The following AKT3 variants were observed in gnomAD, a reference collection of about 807,000 sequenced individuals.
AKT3 encodes the protein AKT serine/threonine kinase 3.
AKT3 carries 15 observed loss-of-function variants against 65.3 expected under a neutral mutation model. The ratio of observed to expected loss-of-function variants is 0.23; its 90% CI spans 0.15 to 0.35. The LOEUF (loss-of-function observed/expected upper bound fraction) is 0.35. AKT3 is among the 10% of genes least tolerant of loss of function. AKT3 has a pLI of 1.00. For missense variants in AKT3, 243 were observed against 576.5 expected (o/e 0.42, Z 5.92); for synonymous variants, 206 against 183.8 (o/e 1.12, Z -0.98).
downstream of AKT3, among the ~76,000 whole-genome samples, chr1:243,496,662 C>T (rs910832717): frequency 6.6e-6 from 1 of 152,202 alleles, no homozygotes; most frequent in Non-Finnish European, 1.5e-5. Flanking sequence ...GCCACCATCT[C>T]CCCGGGCTGC....
chr1:243,769,694 T>C (rs1253796922), intron 2 of AKT3, among the ~76,000 whole-genome samples: 25 of 152,228 alleles, frequency 1.6e-4, no homozygotes, highest in Admixed American at 1.6e-3. Flanking sequence ...ACTAGGCCCT[T>C]ATCAGATTCA....
chr1:243,693,998 A>G (rs1026178690), intron 3 of AKT3, among the ~76,000 whole-genome samples: 1 of 152,148 alleles, frequency 6.6e-6, no homozygotes, highest in Admixed American at 6.6e-5. Context: ...CCAAGAGTGC[A>G]GCATTTATTT....
intron 6 of AKT3, chr1:243,625,050 C>A: frequency 2.9e-6 from 1 of 350,046 alleles, no homozygotes; most frequent in South Asian, 3.0e-5. Context: ...CAGAAAGCCT[C>A]CTCCACCCTT....
intron 8 of AKT3, among the ~76,000 whole-genome samples, chr1:243,584,887 G>A (rs1675676613): frequency 6.6e-6 from 1 of 152,078 alleles, no homozygotes; most frequent in Admixed American, 6.5e-5. Context: ...TATTAGTGGA[G>A]AGTGCTAGCC....
At chr1:243,800,306 G>T (rs1692301751) in intron 2 of AKT3, among the ~76,000 whole-genome samples, 1 of 152,150 alleles carries the variant, frequency 6.6e-6, no homozygotes, top group Non-Finnish European at 1.5e-5. Flanking sequence ...CTGTTGTGAG[G>T]CCTCAGTTAA....
At chr1:243,498,440 T>C (rs74777638), downstream of AKT3, among the ~76,000 whole-genome samples, 26,634 of 152,088 alleles carry the variant, frequency 0.18, 2,666 homozygotes, top group East Asian at 0.28. Flanking sequence ...GTGCATGGGA[T>C]GGCAGGTTTA....
At chr1:243,797,171 T>TA (rs546341645) in intron 2 of AKT3, among the ~76,000 whole-genome samples, 78 of 147,990 alleles carry the variant, frequency 5.3e-4, no homozygotes, top group Non-Finnish European at 6.3e-4. Context: ...AATACTTTTT[T>TA]AAAAAAAAAA....
chr1:243,703,457 TG>T (rs1375599904), intron 2 of AKT3, among the ~76,000 whole-genome samples: 4 of 152,086 alleles, frequency 2.6e-5, no homozygotes, highest in African/African-American at 9.7e-5. Context: ...CATGTTTTAT[TG>T]ATGTCTTAAA....
chr1:243,571,484 T>A (rs1300152146), intron 9 of AKT3, among the ~76,000 whole-genome samples: 1 of 152,188 alleles, frequency 6.6e-6, no homozygotes, highest in African/African-American at 2.4e-5. Context: ...TTCTGGATGT[T>A]ACCTATTACT....
chr1:243,624,596 G>T, intron 6 of AKT3: 1 of 157,662 alleles, frequency 6.3e-6, no homozygotes, highest in Non-Finnish European at 1.4e-5. Context: ...CAGCAGGATA[G>T]CACTGAGACT....
intron 3 of AKT3, 97 bp downstream of exon 3, chr1:243,695,494 C>G: frequency 8.3e-7 from 1 of 1,202,256 alleles, no homozygotes; most frequent in Non-Finnish European, 1.1e-6. Flanking sequence ...TAAACCCAAA[C>G]TTTTTCACAG....
At chr1:243,729,251 A>G (rs746034444) in intron 2 of AKT3, among the ~76,000 whole-genome samples, 9 of 152,208 alleles carry the variant, frequency 5.9e-5, no homozygotes, top group Non-Finnish European at 8.8e-5. Flanking sequence ...CAATATGTCA[A>G]GAGGGGGCTT....
rs1358770149 is a variant in AKT3, at chr1:243,795,448, T to TG, written c.46+47676dup. Among the ~76,000 whole-genome samples, 4 of 138,106 alleles carry TG rather than the reference T, an allele frequency of 2.9e-5. No homozygotes were observed. In the East Asian group the frequency reaches 8.0e-4, roughly 28 times the overall value. 90.6% of individuals were successfully genotyped at this position (138,106 alleles called of 152,430 possible). A position where few individuals can be genotyped will look rare whatever the true frequency, so the allele number is the denominator to read the frequency against. ...AGGCGTAGGTTTCCCTTGATCTCCT[T>TG]GTTTTTTTTTTTTGTTTTTTTTTTT... On this transcript the variant is annotated intron_variant, in intron 2 of 13. Transcript: ENST00000673466.
At chr1:243,783,505 A>G (rs1011615234) in intron 2 of AKT3, among the ~76,000 whole-genome samples, 3 of 152,188 alleles carry the variant, frequency 2.0e-5, no homozygotes, top group Non-Finnish European at 4.4e-5. Flanking sequence ...GTAAGTAGGG[A>G]AAAATGAGGA....
chr1:243,599,964 T>C (rs754796974), intron 8 of AKT3, among the ~76,000 whole-genome samples: 1 of 152,114 alleles, frequency 6.6e-6, no homozygotes, highest in Non-Finnish European at 1.5e-5. Context: ...AATATTAGTA[T>C]GGCTAATAAG....
At chr1:243,797,683 A>T (rs1046904154) in intron 2 of AKT3, among the ~76,000 whole-genome samples, 9 of 152,128 alleles carry the variant, frequency 5.9e-5, no homozygotes, top group Non-Finnish European at 1.0e-4. Context: ...ACAGTGGGGA[A>T]GGTATAGATG....
chr1:243,819,965 C>T (rs1186897638), intron 2 of AKT3, among the ~76,000 whole-genome samples: 1 of 151,792 alleles, frequency 6.6e-6, no homozygotes, highest in African/African-American at 2.4e-5. Context: ...GTCACCCAGG[C>T]TGGAGTGCAG....
chr1:243,529,866 C>T (rs1246618106), intron 12 of AKT3, among the ~76,000 whole-genome samples: 11 of 152,024 alleles, frequency 7.2e-5, no homozygotes, highest in Admixed American at 7.2e-4. Flanking sequence ...AAGAATAGCA[C>T]TGAATCTGTA....
chr1:243,625,845 G>A (rs1679120376), intron 6 of AKT3, among the ~76,000 whole-genome samples: 1 of 152,160 alleles, frequency 6.6e-6, no homozygotes. Flanking sequence ...AACAATCATG[G>A]ATTGTTGTAC....
Sources: allele counts gnomAD v4.1 joint callset (sites outside exome capture counted in the v4.1 genomes callset), GRCh38; gene constraint gnomAD v4.1.1; transcripts MANE v1.5; gene names NCBI Gene and HGNC (gene_info 2026-07-23, HGNC 2026-07-21).